The following WIF1 variants were observed in gnomAD, a reference collection of about 807,000 sequenced individuals.
WIF1 encodes Wnt inhibitory factor 1.
Under a neutral mutation model 53.5 loss-of-function variants are expected in WIF1, and 35 were observed. The ratio of observed to expected loss-of-function variants is 0.65; its 90% confidence interval spans 0.50 to 0.87. The LOEUF (loss-of-function observed/expected upper bound fraction) is 0.87, where lower values mean the gene tolerates loss of function less well. Among genes scored for constraint, WIF1 ranks in the 40% least tolerant of loss-of-function variants. WIF1 has a pLI of 0.00. For missense variants in WIF1, 467 were observed against 476.8 expected (o/e 0.98, Z 0.19); for synonymous variants, 171 against 170.4 (o/e 1.00, Z -0.03).
At chr12:65,083,856 C>CTTTTATTTTATTTTA (rs1328772333) in intron 2 of WIF1, 2 of 333,422 alleles carry the variant, frequency 6.0e-6, no homozygotes, top group African/African-American at 5.4e-5. Flanking sequence ...CTTTTCTTTT[C>CTTTTATTTTATTTTA]TTTTATTTGC....
At chr12:65,087,286 C>A (rs1266118670) in intron 2 of WIF1, among the ~76,000 whole-genome samples, 1 of 152,140 alleles carries the variant, frequency 6.6e-6, no homozygotes, top group Non-Finnish European at 1.5e-5. Flanking sequence ...TTCAGCAAAT[C>A]AAAATTTTTA....
intron 2 of WIF1, among the ~76,000 whole-genome samples, chr12:65,088,121 T>A (rs985488264): frequency 6.6e-6 from 1 of 152,156 alleles, no homozygotes; most frequent in African/African-American, 2.4e-5. Context: ...TGACAAGCCA[T>A]AATCTGAGGA....
intron 3 of WIF1, among the ~76,000 whole-genome samples, chr12:65,069,819 T>C (rs1882745751): frequency 6.6e-6 from 1 of 152,210 alleles, no homozygotes; most frequent in Admixed American, 6.5e-5. Flanking sequence ...GATCATTTGC[T>C]GAGAAGCTGA....
At chr12:65,054,299 T>A (rs1882491400) in intron 9 of WIF1, among the ~76,000 whole-genome samples, 1 of 152,156 alleles carries the variant, frequency 6.6e-6, no homozygotes, top group Non-Finnish European at 1.5e-5. Flanking sequence ...CTTAGGAGAC[T>A]GAGTTCTAGC....
At chr12:65,064,057 T>G (rs1389168378) in intron 6 of WIF1, among the ~76,000 whole-genome samples, 1 of 152,210 alleles carries the variant, frequency 6.6e-6, no homozygotes, top group African/African-American at 2.4e-5. Context: ...GCTGGACAGT[T>G]GTTTTTGTAA....
At chr12:65,117,904 G>A (rs1447752158) in intron 2 of WIF1, among the ~76,000 whole-genome samples, 1 of 152,162 alleles carries the variant, frequency 6.6e-6, no homozygotes, top group Non-Finnish European at 1.5e-5. Context: ...CGCAGACAAA[G>A]CTTCAGTCAC....
At chr12:65,077,466 T>C (rs1882880921) in intron 3 of WIF1, among the ~76,000 whole-genome samples, 1 of 152,192 alleles carries the variant, frequency 6.6e-6, no homozygotes, top group Non-Finnish European at 1.5e-5. Context: ...GATGTGTTTC[T>C]TTCTCCTTTT....
chr12:65,083,734 CTCT>C lies in WIF1; in HGVS notation c.289-5883_289-5881del, dbSNP rs764365972. ...AAAATCAGCTTCCCCCACTTGATTTCTCTTTTCTTTTCTTTCCTTTCCTTTCCT... is the reference window on the plus strand; with the variant it reads ...AAAATCAGCTTCCCCCACTTGATTTCTTTCTTTTCTTTCCTTTCCTTTCCT... On this transcript the variant is annotated intron_variant, in intron 2 of 9. Transcript: ENST00000286574. 6.7e-4 allele frequency: 225 copies of C among 335,684 alleles called. 1 individual carries two copies. The highest frequency in any genetic ancestry group is 6.4e-3 in the East Asian group (66 of 10,372). The allele number at this position is 335,684 out of a possible 1,614,324, so 20.8% of individuals were successfully genotyped here.
At chr12:65,080,534 A>C (rs575841921) in intron 2 of WIF1, among the ~76,000 whole-genome samples, 114 of 152,316 alleles carry the variant, frequency 7.5e-4, no homozygotes, top group African/African-American at 2.6e-3. Flanking sequence ...GTTTTAAATG[A>C]CTTCTACCAC....
chr12:65,051,313 A>G lies in WIF1; in HGVS notation c.*36T>C, dbSNP rs1882436276. ...CATGAAAGGTTAACAAAGGCTATGA[A>G]CTTGGTGTAACTTAAAACGTTTCAG... is the stretch of plus-strand genomic sequence containing the variant. On this transcript the variant is annotated 3_prime_UTR_variant, in exon 10 of 10. Coordinates refer to ENST00000286574, the MANE Select transcript of WIF1 (RefSeq NM_007191.5). 6.3e-7 allele frequency: 1 copy of G among 1,599,118 alleles called. No homozygotes were observed. The highest frequency in any genetic ancestry group is 8.5e-7 in the Non-Finnish European group (1 of 1,172,298).
At chr12:65,072,619 C>T (rs898859183) in intron 3 of WIF1, among the ~76,000 whole-genome samples, 17 of 152,182 alleles carry the variant, frequency 1.1e-4, no homozygotes, top group African/African-American at 3.6e-4. Context: ...CATGCACATA[C>T]CTGCACATAT....
rs5798769 is a variant in WIF1 at position 65,054,073 on chromosome 12, CTTTTTTTTTTTT to C, written c.1018+1033_1018+1044del. 1.0e-3 allele frequency: 98 copies of C among 96,690 alleles called. 1 individual carries two copies. The highest frequency in any genetic ancestry group is 3.9e-3 in the African/African-American group (95 of 24,566). 6.0% of individuals were successfully genotyped at this position (96,690 alleles called of 1,614,324 possible). ...CACAACCTGGAATTTTGTGAATTTG[CTTTTTTTTTTTT>C]TTTTTTTTTGAGACAGGGTCTTTCT... On this transcript the variant is annotated intron_variant, in intron 9 of 9. Transcript: ENST00000286574.
intron 7 of WIF1, among the ~76,000 whole-genome samples, chr12:65,056,916 C>G (rs957966263): frequency 6.6e-6 from 1 of 152,192 alleles, no homozygotes; most frequent in African/African-American, 2.4e-5. Flanking sequence ...TCCCAAAATG[C>G]TGGGATTACA....
At chr12:65,098,582 G>C (rs1038228403) in intron 2 of WIF1, among the ~76,000 whole-genome samples, 4 of 152,032 alleles carry the variant, frequency 2.6e-5, no homozygotes, top group Non-Finnish European at 5.9e-5. Flanking sequence ...AATGGATCAC[G>C]GCCAGAACTG....
chr12:65,104,497 T>C (rs1433227064), intron 2 of WIF1, among the ~76,000 whole-genome samples: 1 of 152,236 alleles, frequency 6.6e-6, no homozygotes, highest in African/African-American at 2.4e-5. Context: ...ATCTTGGCTC[T>C]ACTACCTACT....
rs147684028 is a variant in WIF1, at chr12:65,114,952, T to G, written c.288+5465A>C. Among the ~76,000 whole-genome samples, 10 of 152,254 alleles carry G rather than the reference T, an allele frequency of 6.6e-5. No individual in the cohort carries two copies. The East Asian group carries it at 1.9e-3, about 29-fold the overall frequency. On this transcript the variant is annotated intron_variant, in intron 2 of 9. Transcript: ENST00000286574. ...ACTATACATGATAAAAAGCACACTT[T>G]AGGATCTGGACCTGTTGGTACAGAT...
chr12:65,097,807 A>G (rs1038221175), intron 2 of WIF1, among the ~76,000 whole-genome samples: 1 of 152,074 alleles, frequency 6.6e-6, no homozygotes. Flanking sequence ...TCTTTTATGT[A>G]TTTCTGTCTT....
In WIF1 at chr12:65,121,136, A is replaced by T; in HGVS notation, c.56T>A (p.Leu19Gln). 3 of 1,550,406 alleles carry T rather than the reference A, an allele frequency of 1.9e-6. No individual in the cohort carries two copies. The highest frequency in any genetic ancestry group is 2.6e-6 in the Non-Finnish European group (3 of 1,146,698). Residue 19 changes from leucine (L) to glutamine (Q), a missense_variant, in exon 1 of 10, where the codon CTG (leucine) becomes CAG (glutamine). By Grantham distance (113) the Leu-to-Gln change is moderately radical. Coordinates refer to ENST00000286574, the MANE Select transcript of WIF1 (RefSeq NM_007191.5). ...AAALWLWSIL[L>Q]CLLALRAEAG... ...CTCCGCCCGCAGTGCCAGCAGGCAC[A>T]GGAGGATGCTCCAGAGCCAGAGCGC...
chr12:65,094,901 CTTATTTATTTATTTATTTATTTAT>C (rs71096024), intron 2 of WIF1, among the ~76,000 whole-genome samples: 10 of 134,256 alleles, frequency 7.4e-5, no homozygotes, highest in African/African-American at 1.1e-4. Context: ...TCCTCTTCTT[CTTATTTATTTATTTATTTATTTAT>C]TTATTTATTT....
Sources: gnomAD v4.1 joint callset for allele counts (sites outside exome capture counted in the v4.1 genomes callset) on GRCh38, gnomAD v4.1.1 for gene constraint, MANE v1.5 for transcripts, NCBI Gene and HGNC (gene_info 2026-07-23, HGNC 2026-07-21) for gene names.